PCDHA2: variants seen among roughly 807,000 people sequenced by gnomAD.
PCDHA2 encodes the protein protocadherin alpha-2.
A neutral mutation model predicts 66.0 loss-of-function variants in PCDHA2; 58 were observed. The ratio of observed to expected loss-of-function variants is 0.88; its 90% CI spans 0.71 to 1.09. PCDHA2 has a LOEUF of 1.09. Among genes scored for constraint, PCDHA2 ranks in the 50% least tolerant of loss-of-function variants. The pLI, the probability that PCDHA2 is intolerant of heterozygous loss-of-function variation, is 0.00. For missense variants in PCDHA2, 1,267 were observed against 1,242.3 expected (o/e 1.02, Z -0.30); for synonymous variants, 634 against 554.0 (o/e 1.14, Z -2.03).
rs2150475215 is a variant in PCDHA2 at position 140,850,243 on chromosome 5, G to C, written c.2388+52891G>C. 8.4e-5 allele frequency: 134 copies of C among 1,593,880 alleles called. 16 individuals are homozygous for C. Among genetic ancestry groups the C allele is most frequent in the South Asian group, 5.0e-4 (45 of 90,414 alleles). On this transcript the variant is annotated intron_variant, in intron 1 of 3. Transcript: ENST00000526136. ...GGCGCAGTGAGCGAGATGGTGCTGC[G>C]GTCGGTGGGCGCCGGCGTAGTGGTG... is the stretch of plus-strand genomic sequence containing the variant.
intron 1 of PCDHA2, chr5:140,969,003 G>A: frequency 6.2e-7 from 1 of 1,614,226 alleles, no homozygotes; most frequent in Admixed American, 1.7e-5. Context: ...GGAGGCTTCT[G>A]TGGAGTAAGG....
At chr5:140,990,176 T>G (rs1294066255) in intron 3 of PCDHA2, among the ~76,000 whole-genome samples, 1 of 152,142 alleles carries the variant, frequency 6.6e-6, no homozygotes, top group Non-Finnish European at 1.5e-5. Context: ...AAAAGGTGAC[T>G]TTTAAGAACC....
intron 1 of PCDHA2, among the ~76,000 whole-genome samples, chr5:140,949,684 C>T (rs116815984): frequency 0.023 from 3,563 of 151,738 alleles, 50 homozygotes; most frequent in Middle Eastern, 0.051. Context: ...CTTGTTGAAG[C>T]GTATTGTTGG....
chr5:140,900,101 T>C (rs2067753417), intron 1 of PCDHA2, among the ~76,000 whole-genome samples: 1 of 152,180 alleles, frequency 6.6e-6, no homozygotes, highest in African/African-American at 2.4e-5. Flanking sequence ...TGCGCCACCA[T>C]ACCTGGCCTT....
At chr5:140,861,759 C>T (rs2047064113) in intron 1 of PCDHA2, 1 of 93,332 alleles carries the variant, frequency 1.1e-5, no homozygotes, top group Non-Finnish European at 2.2e-5. Context: ...GATTATTTTT[C>T]CCTGGAAATA....
Position 140,796,022 on chromosome 5 carries a change from C to A in PCDHA2, c.1058C>A (p.Thr353Lys). Residue 353 changes from threonine to lysine, a missense_variant, in exon 1 of 4, where the codon ACG (threonine) becomes AAG (lysine). Transcript: ENST00000526136. ...INDNTPEVSI[T>K]SLSLPISENA... ...GATAACACACCAGAAGTCTCAATAA[C>A]GTCTCTCTCACTTCCCATCTCAGAG... is the stretch of plus-strand genomic sequence containing the variant. 6.2e-7 allele frequency: 1 copy of A among 1,614,160 alleles called. No homozygotes were observed. The highest frequency in any genetic ancestry group is 8.5e-7 in the Non-Finnish European group (1 of 1,179,984).
intron 1 of PCDHA2, chr5:140,835,697 T>G (rs2150242231): frequency 1.6e-5 from 26 of 1,613,776 alleles, no homozygotes; most frequent in African/African-American, 6.7e-5. Flanking sequence ...TGTGGGCCAC[T>G]GCTAGCGTGT....
intron 3 of PCDHA2, among the ~76,000 whole-genome samples, chr5:140,986,070 A>G (rs1554247713): frequency 6.6e-6 from 1 of 152,126 alleles, no homozygotes; most frequent in African/African-American, 2.4e-5. Flanking sequence ...TTTTAAAGAA[A>G]CTGTTCATTT....
At chr5:140,962,781 T>A (rs1466674099) in intron 1 of PCDHA2, among the ~76,000 whole-genome samples, 1 of 152,228 alleles carries the variant, frequency 6.6e-6, no homozygotes, top group African/African-American at 2.4e-5. Context: ...ATGGAATTTT[T>A]AAAAACTACT....
At chr5:140,863,216 C>A (rs781920741) in intron 1 of PCDHA2, 5 of 1,084,226 alleles carry the variant, frequency 4.6e-6, no homozygotes, top group African/African-American at 1.6e-5. Context: ...AGCAGCCAAG[C>A]GAGGAAGGTC....
rs782603912 is a variant in PCDHA2, at chr5:140,803,391, T to C, written c.2388+6039T>C. On this transcript the variant is annotated intron_variant, in intron 1 of 3. Transcript: ENST00000526136. ...CTCCGCGCCGCCAACCGAAGGCGAC[T>C]GTGGGCCGGGCAAGCCCACGCTGGT... 2 of 1,614,234 alleles carry C rather than the reference T, an allele frequency of 1.2e-6. No individual in the cohort carries two copies. The highest frequency in any genetic ancestry group is 1.7e-6 in the Non-Finnish European group (2 of 1,180,046).
In PCDHA2 at chr5:140,849,948, C is replaced by T. The variant is rs2150459540; in HGVS notation, c.2388+52596C>T. ...GGTGTCTGCGCGGGACGCTGACGCG[C>T]AGGAGAACGCCCTGGTGTCCTACTC... On this transcript the variant is annotated intron_variant, in intron 1 of 3. Coordinates refer to ENST00000526136, the MANE Select transcript of PCDHA2 (RefSeq NM_018905.3). 4 of 1,597,728 alleles carry T rather than the reference C, an allele frequency of 2.5e-6. 1 individual carries two copies. The East Asian group carries it at 8.9e-5, about 36-fold the overall frequency.
chr5:140,842,192 G>T (rs2150331449), intron 1 of PCDHA2: 27 of 1,613,606 alleles, frequency 1.7e-5, no homozygotes, highest in Non-Finnish European at 2.2e-5. Flanking sequence ...TATGGTTATT[G>T]ACCACTTTAG....
At chr5:140,811,263 GTT>G (rs1288344710) in intron 1 of PCDHA2, 1 of 152,366 alleles carries the variant, frequency 6.6e-6, no homozygotes, top group Non-Finnish European at 1.5e-5. Context: ...GCAGTGTTTG[GTT>G]TTCTGTGCTT....
In PCDHA2 at chr5:140,808,936, G is replaced by T. The variant is rs553655178; in HGVS notation, c.2388+11584G>T. The T allele has an allele frequency of 2.5e-5, 40 of 1,613,736 alleles. No individual in the cohort carries two copies. In the South Asian group the frequency reaches 3.4e-4, roughly 14 times the overall value. On this transcript the variant is annotated intron_variant, in intron 1 of 3. Transcript: ENST00000526136. The stretch of plus-strand genomic sequence containing the variant: ...GCGCAGTGAGCGAGCTGGTGCCATG[G>T]TCGGTGGGTGTGGGCCACGTGGTGG...
intron 1 of PCDHA2, chr5:140,843,314 G>A (rs2150357213): frequency 6.3e-7 from 1 of 1,596,084 alleles, no homozygotes; most frequent in South Asian, 1.1e-5. Flanking sequence ...CACGGCCACG[G>A]TTCTGGTGTC....
intron 1 of PCDHA2, chr5:140,876,487 G>A (rs782413739): frequency 4.3e-6 from 7 of 1,613,904 alleles, no homozygotes; most frequent in Non-Finnish European, 5.9e-6. Flanking sequence ...GGTCCTGGTG[G>A]AAGTTCTGGA....
intron 1 of PCDHA2, chr5:140,928,173 C>T (rs1554205586): frequency 1.2e-6 from 2 of 1,614,170 alleles, no homozygotes; most frequent in Admixed American, 1.7e-5. Flanking sequence ...CACTTAGCAC[C>T]CGAAGGACAA....
chr5:140,822,922 C>T, intron 1 of PCDHA2: 1 of 1,614,270 alleles, frequency 6.2e-7, no homozygotes, highest in South Asian at 1.1e-5. Flanking sequence ...TGCCAACGGG[C>T]AGGTGACCTG....
Sources: gnomAD v4.1 joint callset for allele counts (sites outside exome capture counted in the v4.1 genomes callset) on GRCh38, gnomAD v4.1.1 for gene constraint, MANE v1.5 for transcripts, NCBI Gene and HGNC (gene_info 2026-07-23, HGNC 2026-07-21) for gene names.